SLIT2: variants seen among roughly 807,000 people sequenced by gnomAD.
SLIT2 encodes the protein slit homolog 2 protein.
A neutral mutation model predicts 185.7 loss-of-function variants in SLIT2; 41 were observed. The ratio of observed to expected loss-of-function variants is 0.22; its 90% CI spans 0.17 to 0.29. The LOEUF (loss-of-function observed/expected upper bound fraction) is 0.29. Ranked by LOEUF, SLIT2 falls within the 10% of genes least tolerant of loss-of-function variation. The pLI is 1.00. For synonymous variants in SLIT2, 693 were observed against 680.2 expected, an observed-to-expected ratio of 1.02 and a Z score of -0.29; for missense variants, 1,571 against 1,909.0, an observed-to-expected ratio of 0.82 and a Z score of 3.30.
At chr4:20,552,181 G>A (rs894271080) in intron 25 of SLIT2, among the ~76,000 whole-genome samples, 3 of 152,130 alleles carry the variant, frequency 2.0e-5, no homozygotes, top group African/African-American at 7.2e-5. Context: ...CTCAGGCAGA[G>A]AATGCAGGCT....
intron 5 of SLIT2, among the ~76,000 whole-genome samples, chr4:20,479,841 T>G (rs1269919268): frequency 3.3e-5 from 5 of 152,186 alleles, no homozygotes; most frequent in African/African-American, 1.2e-4. Context: ...ACTTCAATTA[T>G]GCATTATTTA....
chr4:20,587,341 T>C (rs1486782900), intron 29 of SLIT2, among the ~76,000 whole-genome samples: 1 of 152,194 alleles, frequency 6.6e-6, no homozygotes, highest in Admixed American at 6.5e-5. Flanking sequence ...TTTTTGACGT[T>C]GTCAACCTAT....
chr4:20,522,874 C>T (rs1720956449), intron 12 of SLIT2, among the ~76,000 whole-genome samples: 1 of 151,924 alleles, frequency 6.6e-6, no homozygotes, highest in Non-Finnish European at 1.5e-5. Context: ...ATGAAATAGA[C>T]ATATGGATGA....
intron 4 of SLIT2, among the ~76,000 whole-genome samples, chr4:20,381,318 CA>C (rs1223416830): frequency 6.6e-6 from 1 of 151,782 alleles, no homozygotes; most frequent in African/African-American, 2.4e-5. Flanking sequence ...TAAAAGCAGG[CA>C]GAGAAATCAA....
chr4:20,480,343 A>C (rs185062570), intron 5 of SLIT2, among the ~76,000 whole-genome samples: 231 of 152,306 alleles, frequency 1.5e-3, no homozygotes, highest in African/African-American at 5.3e-3. Context: ...GAGGGGGTGC[A>C]TGTGACATTA....
At chr4:20,369,470 G>A (rs567596098) in intron 4 of SLIT2, among the ~76,000 whole-genome samples, 1 of 152,268 alleles carries the variant, frequency 6.6e-6, no homozygotes, top group South Asian at 2.1e-4. Context: ...TACAACAGCA[G>A]TTGTGAGTAC....
chr4:20,357,100 A>C (rs1475027791), intron 4 of SLIT2, among the ~76,000 whole-genome samples: 3 of 152,292 alleles, frequency 2.0e-5, no homozygotes, highest in Middle Eastern at 3.4e-3. Context: ...TTTTTGGCAA[A>C]TATTTTAAGT....
At chr4:20,496,446 G>A (rs541484244) in intron 9 of SLIT2, among the ~76,000 whole-genome samples, 45 of 152,162 alleles carry the variant, frequency 3.0e-4, no homozygotes, top group African/African-American at 9.6e-4. Flanking sequence ...CTGGTGATGG[G>A]GATATTTATG....
In SLIT2 at chr4:20,570,792, C is replaced by A. The variant is rs150511548; in HGVS notation, c.3088+1788C>A. ...TGATGAAAACCTAGGCTTTGGAGCACAACTGCAATCAGGTTCTTATGTGTC... is the reference window on the plus strand; with the variant it reads ...TGATGAAAACCTAGGCTTTGGAGCAAAACTGCAATCAGGTTCTTATGTGTC... On this transcript the variant is annotated intron_variant, in intron 29 of 36. Coordinates refer to ENST00000504154, the MANE Select transcript of SLIT2 (RefSeq NM_004787.4). Among the ~76,000 whole-genome samples the A allele has an allele frequency of 9.5e-5, 14 of 147,368 alleles. No individual in the cohort carries two copies. In the East Asian group the frequency reaches 2.8e-3, roughly 29 times the overall value.
At chr4:20,290,741 A>C (rs1577376503) in intron 4 of SLIT2, among the ~76,000 whole-genome samples, 1 of 142,656 alleles carries the variant, frequency 7.0e-6, no homozygotes. Context: ...CTGTTTTGTC[A>C]GCCTGTTTTC....
At chr4:20,435,316 A>G (rs551067977) in intron 4 of SLIT2, among the ~76,000 whole-genome samples, 13 of 152,340 alleles carry the variant, frequency 8.5e-5, no homozygotes, top group African/African-American at 3.1e-4. Context: ...CCCTGCATTC[A>G]AGGCACTATC....
intron 26 of SLIT2, 51 bp from the exon 27 acceptor site, chr4:20,567,211 A>C (rs776675438): frequency 2.0e-6 from 3 of 1,533,788 alleles, no homozygotes; most frequent in Non-Finnish European, 2.7e-6. Context: ...CAAGTAATTA[A>C]AAGTAAACTG....
intron 4 of SLIT2, among the ~76,000 whole-genome samples, chr4:20,434,984 A>T (rs1729251201): frequency 6.6e-6 from 1 of 152,182 alleles, no homozygotes; most frequent in Admixed American, 6.5e-5. Flanking sequence ...TTATAGAATT[A>T]TTAATTTAGT....
intron 4 of SLIT2, among the ~76,000 whole-genome samples, chr4:20,374,196 G>T (rs1723822375): frequency 6.6e-6 from 1 of 152,060 alleles, no homozygotes; most frequent in Non-Finnish European, 1.5e-5. Flanking sequence ...CATGCAGGGT[G>T]TCTGGAGGAA....
At chr4:20,544,063 T>C (rs1723049202) in intron 21 of SLIT2, among the ~76,000 whole-genome samples, 1 of 151,790 alleles carries the variant, frequency 6.6e-6, no homozygotes. Context: ...TTAGGAGAAA[T>C]ACCTAATGTA....
intron 30 of SLIT2, among the ~76,000 whole-genome samples, chr4:20,593,067 A>G (rs938352314): frequency 7.9e-5 from 12 of 152,186 alleles, no homozygotes; most frequent in African/African-American, 2.7e-4. Flanking sequence ...GGTGTTTTTA[A>G]TTATCCTTAC....
intron 4 of SLIT2, among the ~76,000 whole-genome samples, chr4:20,270,000 A>G (rs1319047678): frequency 1.3e-5 from 2 of 151,942 alleles, no homozygotes; most frequent in Non-Finnish European, 1.5e-5. Flanking sequence ...GATAGCTAAA[A>G]TCACCTGACA....
intron 4 of SLIT2, among the ~76,000 whole-genome samples, chr4:20,343,484 A>G (rs776324040): frequency 7.9e-5 from 12 of 152,154 alleles, no homozygotes; most frequent in Non-Finnish European, 1.3e-4. Context: ...TATTGCTGAT[A>G]ATCACTTAGA....
chr4:20,382,917 C>T (rs1473167177), intron 4 of SLIT2, among the ~76,000 whole-genome samples: 1 of 152,084 alleles, frequency 6.6e-6, no homozygotes, highest in Non-Finnish European at 1.5e-5. Flanking sequence ...AGCTGCAGTA[C>T]TCTACACAGT....
Sources: gnomAD v4.1 joint callset for allele counts (sites outside exome capture counted in the v4.1 genomes callset) on GRCh38, gnomAD v4.1.1 for gene constraint, MANE v1.5 for transcripts, NCBI Gene and HGNC (gene_info 2026-07-23, HGNC 2026-07-21) for gene names.